The following SHOC2 variants were observed in gnomAD, a reference collection of about 807,000 sequenced individuals.
SHOC2 encodes leucine-rich repeat protein SHOC-2.
A neutral mutation model predicts 50.2 loss-of-function variants in SHOC2; 4 were observed. The ratio of observed to expected loss-of-function variants is 0.08; its 90% CI spans 0.04 to 0.18. SHOC2 has a LOEUF of 0.18. Ranked by LOEUF, SHOC2 falls within the 10% of genes least tolerant of loss-of-function variation. The pLI, the probability that SHOC2 is intolerant of heterozygous loss-of-function variation, is 1.00. For synonymous variants in SHOC2, 218 were observed against 244.5 expected, an observed-to-expected ratio of 0.89 and a Z score of 1.01; for missense variants, 388 against 669.6, an observed-to-expected ratio of 0.58 and a Z score of 4.64.
intron 1 of SHOC2, among the ~76,000 whole-genome samples, chr10:110,962,150 A>G (rs1204182785): frequency 6.6e-6 from 1 of 151,926 alleles, no homozygotes; most frequent in African/African-American, 2.4e-5. Flanking sequence ...ATCTTGTTCT[A>G]TCCTCTGTAC....
chr10:110,971,521 T>G (rs968908377), intron 2 of SHOC2, among the ~76,000 whole-genome samples: 5 of 152,156 alleles, frequency 3.3e-5, no homozygotes, highest in African/African-American at 7.2e-5. Flanking sequence ...CCAGTATTGC[T>G]TTGGCTATTT....
chr10:111,009,758 A>G lies in SHOC2; in HGVS notation c.1468A>G (p.Ile490Val). Residue 490 changes from isoleucine (I) to valine (V), a missense_variant, in exon 8 of 9, where the codon ATT (isoleucine) becomes GTT (valine). Ile to Val is a conservative substitution (Grantham distance 29). Transcript: ENST00000369452. ...CCAGTTGACCACTCTTCCCAGAGGCATTGGTCACCTTACTAATCTCACACA... is the reference window on the plus strand; with the variant it reads ...CCAGTTGACCACTCTTCCCAGAGGCGTTGGTCACCTTACTAATCTCACACA... ...NNQLTTLPRGIGHLTNLTHLG... is the reference protein window; with the variant it reads ...NNQLTTLPRGVGHLTNLTHLG... 1.9e-6 allele frequency: 3 copies of G among 1,613,404 alleles called. No individual in the cohort carries two copies. The highest frequency in any genetic ancestry group is 1.7e-6 in the Non-Finnish European group (2 of 1,179,452).
At chr10:111,001,542 C>T (rs997990287) in intron 4 of SHOC2, among the ~76,000 whole-genome samples, 6 of 152,232 alleles carry the variant, frequency 3.9e-5, no homozygotes, top group East Asian at 1.9e-4. Context: ...TTTAGCATGT[C>T]GACAATGGAT....
intron 3 of SHOC2, chr10:110,985,980 A>G (rs1848068956): frequency 9.7e-6 from 5 of 517,490 alleles, no homozygotes; most frequent in Non-Finnish European, 1.7e-5. Flanking sequence ...GGATTATAAA[A>G]GAGAGAGAAT....
At chr10:110,922,492 A>G (rs1846674279) in intron 1 of SHOC2, among the ~76,000 whole-genome samples, 1 of 152,148 alleles carries the variant, frequency 6.6e-6, no homozygotes, top group African/African-American at 2.4e-5. Flanking sequence ...ATTTAAATAC[A>G]GAAATCTGTG....
intron 5 of SHOC2, among the ~76,000 whole-genome samples, chr10:111,005,926 A>G (rs1848458203): frequency 6.6e-6 from 1 of 152,230 alleles, no homozygotes; most frequent in Non-Finnish European, 1.5e-5. Flanking sequence ...TATGGTGTGT[A>G]TCTTTTATGA....
At chr10:111,005,101 A>T (rs1311562397) in intron 5 of SHOC2, among the ~76,000 whole-genome samples, 2 of 152,172 alleles carry the variant, frequency 1.3e-5, no homozygotes. Context: ...CAGCTTGGGC[A>T]ATATAGTGAG....
intron 1 of SHOC2, among the ~76,000 whole-genome samples, chr10:110,957,532 A>ACCCCCCCCC (rs149911635): frequency 3.9e-5 from 5 of 128,446 alleles, no homozygotes; most frequent in African/African-American, 8.8e-5. Flanking sequence ...TCATGAAGAT[A>ACCCCCCCCC]CCCCCCCCCC....
intron 1 of SHOC2, chr10:110,951,913 C>T (rs1474520372): frequency 6.6e-6 from 1 of 152,256 alleles, no homozygotes; most frequent in Non-Finnish European, 1.5e-5. Flanking sequence ...CCGCCTCAGG[C>T]TCTTAAATTA....
chr10:110,981,146 A>G (rs1376922775), intron 2 of SHOC2, among the ~76,000 whole-genome samples: 1 of 152,218 alleles, frequency 6.6e-6, no homozygotes, highest in Non-Finnish European at 1.5e-5. Context: ...TGGCTCTTTA[A>G]TGGTGAAATT....
intron 2 of SHOC2, among the ~76,000 whole-genome samples, chr10:110,976,033 C>T (rs948346990): frequency 6.6e-6 from 1 of 152,004 alleles, no homozygotes; most frequent in African/African-American, 2.4e-5. Context: ...GCTTCAGCCT[C>T]CCAAGTAGCT....
At chr10:110,920,421 C>T (rs912982605) in intron 1 of SHOC2, among the ~76,000 whole-genome samples, 18 of 152,184 alleles carry the variant, frequency 1.2e-4, no homozygotes, top group Admixed American at 7.2e-4. Context: ...GATTTTTCCC[C>T]CAGCACCTCA....
intron 1 of SHOC2, among the ~76,000 whole-genome samples, chr10:110,940,910 G>GTTTTTTTTTTTTTTTTTTTTTTTTTTTTT (rs539552844): frequency 1.7e-5 from 2 of 119,504 alleles, no homozygotes; most frequent in Non-Finnish European, 3.4e-5. Flanking sequence ...TTTGTGGTGG[G>GTTTTTTTTTTTTTTTTTTTTTTTTTTTTT]TTTTTTTTTT....
chr10:110,958,619 G>A (rs1452903982), intron 1 of SHOC2, among the ~76,000 whole-genome samples: 1 of 152,102 alleles, frequency 6.6e-6, no homozygotes, highest in African/African-American at 2.4e-5. Context: ...CACCAAAGCT[G>A]TATCTTTATT....
At chr10:110,985,600 T>C (rs773648882) in intron 2 of SHOC2, 28 bp from the exon 3 acceptor site, 9 of 1,562,930 alleles carry the variant, frequency 5.8e-6, no homozygotes, top group South Asian at 3.3e-5. Flanking sequence ...ATAATGCTTA[T>C]TGAATTTTTA....
chr10:111,010,309 T>C (rs1452405122), intron 8 of SHOC2, among the ~76,000 whole-genome samples: 3 of 152,224 alleles, frequency 2.0e-5, no homozygotes, highest in African/African-American at 7.2e-5. Context: ...TTTTAGACAG[T>C]GCAAGTTGTA....
At chr10:110,934,848 A>G (rs1846970962) in intron 1 of SHOC2, among the ~76,000 whole-genome samples, 1 of 152,122 alleles carries the variant, frequency 6.6e-6, no homozygotes, top group South Asian at 2.1e-4. Flanking sequence ...TTTAAAGGTA[A>G]CTTAAGTAGT....
intron 1 of SHOC2, among the ~76,000 whole-genome samples, chr10:110,926,243 A>G (rs572327704): frequency 7.2e-5 from 11 of 152,194 alleles, no homozygotes; most frequent in African/African-American, 2.7e-4. Flanking sequence ...TAAGATGAGC[A>G]TTGAGTATGT....
chr10:110,967,752 A>AT (rs1471083708), intron 2 of SHOC2, among the ~76,000 whole-genome samples: 1 of 152,156 alleles, frequency 6.6e-6, no homozygotes, highest in Non-Finnish European at 1.5e-5. Flanking sequence ...GTTTCTTTTA[A>AT]TTTGCATAAT....
Sources: gnomAD v4.1 joint callset for allele counts (sites outside exome capture counted in the v4.1 genomes callset) on GRCh38, gnomAD v4.1.1 for gene constraint, MANE v1.5 for transcripts, NCBI Gene and HGNC (gene_info 2026-07-23, HGNC 2026-07-21) for gene names.